Variants in WDR72 observed in about 807,000 individuals in gnomAD.
WDR72 encodes WD repeat domain 72.
Under a neutral mutation model 124.2 loss-of-function variants are expected in WDR72, and 120 were observed. The ratio of observed to expected loss-of-function variants is 0.97; its 90% confidence interval spans 0.83 to 1.12. WDR72 has a LOEUF of 1.12. WDR72 is among the 50% of genes most tolerant of loss of function. The pLI is 0.00. For synonymous variants in WDR72, 452 were observed against 441.7 expected (o/e 1.02, Z -0.29); for missense variants, 1,387 against 1,278.8 (o/e 1.08, Z -1.29).
intron 17 of WDR72, among the ~76,000 whole-genome samples, chr15:53,608,757 A>AAAATAAAT (rs377242751): frequency 7.5e-4 from 93 of 123,692 alleles, no homozygotes; most frequent in African/African-American, 1.8e-3. Flanking sequence ...TCCTTTCTCA[A>AAAATAAAT]AAATAAATAA....
intron 14 of WDR72, among the ~76,000 whole-genome samples, chr15:53,642,099 T>C (rs1292759562): frequency 6.6e-6 from 1 of 152,010 alleles, no homozygotes; most frequent in Non-Finnish European, 1.5e-5. Flanking sequence ...ATAAGTTAAA[T>C]GGTTTTTCTA....
chr15:53,726,596 C>T (rs2018046198), intron 2 of WDR72, among the ~76,000 whole-genome samples: 1 of 152,204 alleles, frequency 6.6e-6, no homozygotes, highest in Middle Eastern at 3.4e-3. Context: ...AATCCCAGCA[C>T]TTTGGCAGGC....
intron 13 of WDR72, among the ~76,000 whole-genome samples, 181 bp from the exon 14 acceptor site, chr15:53,665,949 T>G (rs512206): frequency 0.1 from 15,695 of 152,178 alleles, 2,188 homozygotes; most frequent in African/African-American, 0.32. Flanking sequence ...GCTCATAAAG[T>G]CTGAACTTAT....
In WDR72 at chr15:53,517,034, A is replaced by G. The variant is rs770330268; in HGVS notation, c.*665T>C. ...GCCAACAAGATCAACCTTGAGCTAAAGACATTAGCCTCAATGTCATTAGAA... is the reference window on the plus strand; with the variant it reads ...GCCAACAAGATCAACCTTGAGCTAAGGACATTAGCCTCAATGTCATTAGAA... On this transcript the variant is annotated 3_prime_UTR_variant, in exon 20 of 20. Coordinates refer to ENST00000360509, the MANE Select transcript of WDR72 (RefSeq NM_182758.4). 1.3e-5 allele frequency: 2 copies of G among 152,408 alleles called. No homozygotes were observed. Among genetic ancestry groups the G allele is most frequent in the Non-Finnish European group, 2.9e-5 (2 of 68,226 alleles). The allele number at this position is 152,408 out of a possible 1,614,324, so 9.4% of individuals were successfully genotyped here.
chr15:53,758,410 A>G (rs932583303), intron 1 of WDR72, among the ~76,000 whole-genome samples: 6 of 152,162 alleles, frequency 3.9e-5, no homozygotes, highest in African/African-American at 1.4e-4. Flanking sequence ...TAAAAAAATC[A>G]CTTTACTAGA....
At chr15:53,584,198 C>T (rs1203666559) in intron 18 of WDR72, among the ~76,000 whole-genome samples, 1 of 151,874 alleles carries the variant, frequency 6.6e-6, no homozygotes, top group East Asian at 1.9e-4. Context: ...CAAATATTAA[C>T]TTATACAAAT....
intron 19 of WDR72, 51 bp downstream of exon 19, chr15:53,523,167 G>A: frequency 6.4e-7 from 1 of 1,561,158 alleles, no homozygotes; most frequent in South Asian, 1.1e-5. Flanking sequence ...GGACCCCAAA[G>A]CTGTGTCAAA....
chr15:53,698,437 C>T (rs2017070924), intron 13 of WDR72, among the ~76,000 whole-genome samples: 1 of 152,264 alleles, frequency 6.6e-6, no homozygotes, highest in Middle Eastern at 3.4e-3. Flanking sequence ...TTGATAATAA[C>T]AATAGTCAAC....
intron 14 of WDR72, among the ~76,000 whole-genome samples, chr15:53,644,772 G>A (rs2014982520): frequency 6.6e-6 from 1 of 152,024 alleles, no homozygotes; most frequent in Admixed American, 6.6e-5. Flanking sequence ...CAGCATGATT[G>A]GCAGGGCAAA....
chr15:53,729,589 G>A (rs1347272225), intron 2 of WDR72, among the ~76,000 whole-genome samples: 1 of 151,856 alleles, frequency 6.6e-6, no homozygotes, highest in East Asian at 1.9e-4. Context: ...AATTCACCAT[G>A]TATGCTCCAG....
intron 6 of WDR72, among the ~76,000 whole-genome samples, chr15:53,713,666 C>T (rs921105967): frequency 6.6e-6 from 1 of 151,764 alleles, no homozygotes; most frequent in Non-Finnish European, 1.5e-5. Flanking sequence ...CCATGTTGGA[C>T]AGGCTAGTCT....
intron 18 of WDR72, among the ~76,000 whole-genome samples, chr15:53,557,069 C>A (rs1893958616): frequency 6.6e-6 from 1 of 151,980 alleles, no homozygotes; most frequent in African/African-American, 2.4e-5. Context: ...ATAGTACTGC[C>A]AAGGTTGACT....
intron 14 of WDR72, among the ~76,000 whole-genome samples, chr15:53,655,230 C>CAAAAAAAA (rs531072099): frequency 7.3e-5 from 4 of 54,614 alleles, no homozygotes; most frequent in Non-Finnish European, 9.7e-5. Flanking sequence ...GATGCCATCT[C>CAAAAAAAA]AAAAAAAAAA....
At chr15:53,653,884 A>G (rs1404171063) in intron 14 of WDR72, among the ~76,000 whole-genome samples, 1 of 143,170 alleles carries the variant, frequency 7.0e-6, no homozygotes, top group African/African-American at 3.0e-5. Context: ...TTTAGGAGAT[A>G]TAATATATTT....
chr15:53,518,073 TA>T (rs918297729), intron 19 of WDR72, among the ~76,000 whole-genome samples: 1 of 150,094 alleles, frequency 6.7e-6, no homozygotes, highest in African/African-American at 2.4e-5. Context: ...AAGTTTTCTA[TA>T]AGAAAAATTT....
chr15:53,698,662 T>C (rs2017078326), intron 13 of WDR72, among the ~76,000 whole-genome samples: 1 of 152,208 alleles, frequency 6.6e-6, no homozygotes, highest in South Asian at 2.1e-4. Flanking sequence ...AATTAACTGT[T>C]GCTCAAATCA....
chr15:53,690,072 G>T (rs189025164), intron 13 of WDR72, among the ~76,000 whole-genome samples: 2 of 123,706 alleles, frequency 1.6e-5, no homozygotes, highest in East Asian at 2.8e-4. Context: ...GTTGTGGGGT[G>T]GGGGGAGGGG....
At chr15:53,743,492 C>T (rs7177426) in intron 1 of WDR72, among the ~76,000 whole-genome samples, 3 of 152,208 alleles carry the variant, frequency 2.0e-5, no homozygotes, top group East Asian at 1.9e-4. Context: ...TTTATAATTT[C>T]CACATTTGTT....
intron 14 of WDR72, among the ~76,000 whole-genome samples, chr15:53,655,631 T>C (rs1311612739): frequency 6.6e-6 from 1 of 151,932 alleles, no homozygotes; most frequent in Non-Finnish European, 1.5e-5. Context: ...AGGCCACGTT[T>C]TATATAACGA....
Sources: allele counts gnomAD v4.1 joint callset (sites outside exome capture counted in the v4.1 genomes callset), GRCh38; gene constraint gnomAD v4.1.1; transcripts MANE v1.5; gene names NCBI Gene and HGNC (gene_info 2026-07-23, HGNC 2026-07-21).